The following THPO variants were observed in gnomAD, a reference collection of about 807,000 sequenced individuals.
THPO encodes the protein thrombopoietin.
THPO carries 12 observed loss-of-function variants against 17.0 expected under a neutral mutation model. The ratio of observed to expected loss-of-function variants is 0.71; its 90% CI spans 0.45 to 1.14. THPO has a LOEUF of 1.14. Ranked by LOEUF, THPO falls within the 50% of genes most tolerant of loss-of-function variation. THPO has a pLI of 0.00. For synonymous variants in THPO, 188 were observed against 183.0 expected, an observed-to-expected ratio of 1.03 and a Z score of -0.22; for missense variants, 365 against 427.5, an observed-to-expected ratio of 0.85 and a Z score of 1.29.
At position 184,376,367 on chromosome 3, in the gene THPO, G is replaced by C; in HGVS notation, c.-108C>G. The C allele has an allele frequency of 6.2e-7, 1 of 1,612,118 alleles. No individual in the cohort carries two copies. Among genetic ancestry groups the C allele is most frequent in the Admixed American group, 1.7e-5 (1 of 59,876 alleles). On this transcript the variant is annotated 5_prime_UTR_variant, in exon 2 of 6. Coordinates refer to ENST00000647395, the MANE Select transcript of THPO (RefSeq NM_000460.4). ...GGCTCTTGCACTTCTGGGCAGAGTA[G>C]GGTGGGGCAAAGGCGGGCCAAGGGT...
At position 184,372,389 on chromosome 3, in the gene THPO, C is replaced by G; in HGVS notation, c.*124G>C. The G allele has an allele frequency of 8.1e-7, 1 of 1,230,330 alleles. No homozygotes were observed. The highest frequency in any genetic ancestry group is 1.2e-6 in the Non-Finnish European group (1 of 837,126). 76.2% of individuals were successfully genotyped at this position (1,230,330 alleles called of 1,614,324 possible). A position where few individuals can be genotyped will look rare whatever the true frequency, so the allele number is the denominator to read the frequency against. On this transcript the variant is annotated 3_prime_UTR_variant, in exon 6 of 6. Coordinates refer to ENST00000647395, the MANE Select transcript of THPO (RefSeq NM_000460.4). ...ATTCCCTTTTCAGTCCTGTGTATCC[C>G]TTTTACCAGGGCTTTGGGTTTCAGG...
intron 1 of THPO, among the ~76,000 whole-genome samples, 199 bp downstream of exon 1, chr3:184,377,876 A>T (rs1157063256): frequency 2.0e-5 from 3 of 152,034 alleles, no homozygotes; most frequent in Non-Finnish European, 4.4e-5. Flanking sequence ...CAAGTAAGTG[A>T]TCAGTCCCTC....
rs569460601 is a variant in THPO at position 184,373,587 on chromosome 3, G to A, written c.229-5C>T. ...GTCCTGTGCCTTGGTCTCCTCCTGA[G>A]AAAGAGATGGAAGAGAGAAGCGCAC... On this transcript the variant is annotated splice_polypyrimidine_tract_variant and splice_region_variant and intron_variant, in intron 4 of 5. Coordinates refer to ENST00000647395, the MANE Select transcript of THPO (RefSeq NM_000460.4). The A allele has an allele frequency of 1.2e-6, 2 of 1,613,544 alleles. No individual in the cohort carries two copies. The highest frequency in any genetic ancestry group is 2.2e-5 in the South Asian group (2 of 91,032).
Position 184,373,589 on chromosome 3 carries a change from A to G in THPO, c.229-7T>C. Reference sequence around the variant, plus strand: ...CCTGTGCCTTGGTCTCCTCCTGAGAAAGAGATGGAAGAGAGAAGCGCACTG... The same window carrying G: ...CCTGTGCCTTGGTCTCCTCCTGAGAGAGAGATGGAAGAGAGAAGCGCACTG... On this transcript the variant is annotated splice_polypyrimidine_tract_variant and splice_region_variant and intron_variant, in intron 4 of 5. Coordinates refer to ENST00000647395, the MANE Select transcript of THPO (RefSeq NM_000460.4). The G allele has an allele frequency of 6.2e-7, 1 of 1,613,156 alleles. No homozygotes were observed. Among genetic ancestry groups the G allele is most frequent in the South Asian group, 1.1e-5 (1 of 91,002 alleles).
Position 184,372,494 on chromosome 3 carries a change from T to C in THPO, c.*19A>G. 6.2e-7 allele frequency: 1 copy of C among 1,613,972 alleles called. No individual in the cohort carries two copies. The highest frequency in any genetic ancestry group is 8.5e-7 in the Non-Finnish European group (1 of 1,179,944). On this transcript the variant is annotated 3_prime_UTR_variant, in exon 6 of 6. Coordinates refer to ENST00000647395, the MANE Select transcript of THPO (RefSeq NM_000460.4). The stretch of plus-strand genomic sequence containing the variant: ...AGCTGTACACGAGACAATGCTGATG[T>C]CGGCAGTGTCTGAGAACCTTACCCT...
Position 184,373,024 on chromosome 3 carries a change from C to T in THPO, c.551G>A (p.Ser184Asn), listed in dbSNP as rs1162456468. 1 of 1,614,102 alleles carries T rather than the reference C, an allele frequency of 6.2e-7. No homozygotes were observed. The highest frequency in any genetic ancestry group is 8.5e-7 in the Non-Finnish European group (1 of 1,180,030). Residue 184 changes from serine to asparagine, a missense_variant, in exon 6 of 6, where the codon AGC (serine) becomes AAC (asparagine). Coordinates refer to ENST00000647395, the MANE Select transcript of THPO (RefSeq NM_000460.4). ...CAGTGTGAGGACTAGAGAGGTTCTG[C>T]TGGGGACAGCTGTGGTGGGTGGGGC... Reference protein sequence around the residue: ...RRAPPTTAVPSRTSLVLTLNE... With the variant: ...RRAPPTTAVPNRTSLVLTLNE...
In THPO at chr3:184,376,020, G is replaced by C. The variant is rs1319111971; in HGVS notation, c.14-5C>G. 1 of 1,613,994 alleles carries C rather than the reference G, an allele frequency of 6.2e-7. No homozygotes were observed. On this transcript the variant is annotated splice_polypyrimidine_tract_variant and splice_region_variant and intron_variant, in intron 2 of 5. Transcript: ENST00000647395. ...GCATGACCACGAGGAGCAATTCTTA[G>C]ATGAGGAGAGGTGAGGTTGAAAGAT...
intron 1 of THPO, 91 bp from the exon 2 acceptor site, chr3:184,376,495 G>A (rs1180553139): frequency 1.5e-6 from 2 of 1,343,114 alleles, no homozygotes; most frequent in Admixed American, 2.8e-5. Context: ...GGCTTGAGAT[G>A]CTGACCAGCC....
chr3:184,375,896 T>C lies in THPO; in HGVS notation c.133A>G (p.Ser45Gly), dbSNP rs1357593827. The change falls in exon 3 of 6, where the codon AGC (serine) becomes GGC (glycine). Residue 45 changes from serine (S) to glycine (G), a missense_variant. Ser to Gly is a moderately conservative substitution (Grantham distance 56, BLOSUM62 0). Coordinates refer to ENST00000647395, the MANE Select transcript of THPO (RefSeq NM_000460.4). ...ATGTTGGGAGTTCTCACCAGTCTGC[T>C]GTGAAGGACATGGGAGTCACGAAGC... ...KLLRDSHVLH[S>G]RLSQCPEVHP... The C allele has an allele frequency of 6.2e-7, 1 of 1,613,362 alleles. No homozygotes were observed. The highest frequency in any genetic ancestry group is 2.2e-5 in the East Asian group (1 of 44,870).
At position 184,372,853 on chromosome 3, in the gene THPO, T is replaced by A; in HGVS notation, c.722A>T (p.Asp241Val). The A allele has an allele frequency of 6.2e-7, 1 of 1,614,064 alleles. No individual in the cohort carries two copies. The change falls in exon 6 of 6, where the codon GAC becomes GTC. Residue 241 changes from aspartate to valine, a missense_variant. By Grantham distance (152) the Asp-to-Val change is radical (BLOSUM62 -3). Transcript: ENST00000647395. ...CCTGTTCAGGTATCCGGGGATTTGG[T>A]CCAGGGACCTGGAGGTTTGGTTCAG... The part of the protein sequence containing the change: ...GLLNQTSRSL[D>V]QIPGYLNRIH...
chr3:184,377,136 G>A (rs1441737532), intron 1 of THPO, among the ~76,000 whole-genome samples: 1 of 151,984 alleles, frequency 6.6e-6, no homozygotes, highest in Non-Finnish European at 1.5e-5. Context: ...TGAGGAACTG[G>A]CAAACGGGCG....
At chr3:184,377,437 G>C (rs182323544) in intron 1 of THPO, among the ~76,000 whole-genome samples, 2 of 152,272 alleles carry the variant, frequency 1.3e-5, no homozygotes, top group East Asian at 3.9e-4. Flanking sequence ...GCCCACCTTA[G>C]GGGCTTACCT....
At chr3:184,375,457 G>T in intron 4 of THPO, 58 bp downstream of exon 4, 1 of 1,523,480 alleles carries the variant, frequency 6.6e-7, no homozygotes, top group Non-Finnish European at 9.1e-7. Context: ...TCCATGGGAA[G>T]CAGTGGGAAA....
rs949125184 is a variant in THPO at position 184,375,700 on chromosome 3, C to T, written c.142-99G>A. 74 of 1,478,994 alleles carry T rather than the reference C, an allele frequency of 5.0e-5. No homozygotes were observed. In the East Asian group the frequency reaches 5.5e-4, roughly 11 times the overall value. 91.6% of individuals were successfully genotyped at this position (1,478,994 alleles called of 1,614,324 possible). On this transcript the variant is annotated intron_variant, in intron 3 of 5. Coordinates refer to ENST00000647395, the MANE Select transcript of THPO (RefSeq NM_000460.4). ...GTCCTCCATGAGTACTATCTCTAGA[C>T]GAGAGCTTTTAAATGCGGGCTGTAT...
upstream of THPO, among the ~76,000 whole-genome samples, chr3:184,379,105 G>C (rs1303691918): frequency 6.6e-6 from 1 of 152,138 alleles, no homozygotes; most frequent in Non-Finnish European, 1.5e-5. Flanking sequence ...GCTCTCTCCT[G>C]TTCCTCCTCC....
At chr3:184,378,241 T>G, upstream of THPO, 1 of 985,480 alleles carries the variant, frequency 1.0e-6, no homozygotes, top group Non-Finnish European at 1.2e-6. Context: ...CAGACACTGG[T>G]GAAGGCCCCC....
At chr3:184,379,146 G>T (rs904798854), upstream of THPO, among the ~76,000 whole-genome samples, 1 of 152,128 alleles carries the variant, frequency 6.6e-6, no homozygotes, top group Non-Finnish European at 1.5e-5. Context: ...TGAGAAGTGT[G>T]GCCTAGATCC....
rs1228783145 is a variant in THPO at position 184,373,441 on chromosome 3, C to T, written c.370G>A (p.Ala124Thr). The T allele has an allele frequency of 2.5e-6, 4 of 1,614,022 alleles. No individual in the cohort carries two copies. The highest frequency in any genetic ancestry group is 4.5e-5 in the East Asian group (2 of 44,870). ...TGGGTTCCAAGGAGGCTCTGCAGGG[C>T]CCCAAGGAGGAGACGGACCTGTCCA... ...LSGQVRLLLG[A>T]LQSLLGTQLP... Residue 124 changes from alanine to threonine, a missense_variant, in exon 5 of 6, where the codon GCC (alanine) becomes ACC (threonine). Transcript: ENST00000647395.
chr3:184,377,745 TG>T (rs1714540710), intron 1 of THPO, among the ~76,000 whole-genome samples: 1 of 152,184 alleles, frequency 6.6e-6, no homozygotes, highest in Non-Finnish European at 1.5e-5. Context: ...GAATGGGGAT[TG>T]GGGCTGTGTC....
Sources: allele counts gnomAD v4.1 joint callset (sites outside exome capture counted in the v4.1 genomes callset), GRCh38; gene constraint gnomAD v4.1.1; transcripts MANE v1.5; gene names NCBI Gene and HGNC (gene_info 2026-07-23, HGNC 2026-07-21).